Variants in INPP4B observed in about 807,000 individuals in gnomAD.
INPP4B encodes inositol polyphosphate 4-phosphatase type II.
In INPP4B, 55 loss-of-function variants were observed where a neutral mutation model predicts 122.5. The ratio of observed to expected loss-of-function variants is 0.45; its 90% CI spans 0.36 to 0.56. INPP4B has a LOEUF of 0.56. Ranked by LOEUF, INPP4B falls within the 20% of genes least tolerant of loss-of-function variation. INPP4B has a pLI of 0.00. For missense variants in INPP4B, 1,000 were observed against 1,097.7 expected, an observed-to-expected ratio of 0.91 and a Z score of 1.26; for synonymous variants, 403 against 388.7, an observed-to-expected ratio of 1.04 and a Z score of -0.43.
intron 7 of INPP4B, among the ~76,000 whole-genome samples, chr4:142,355,362 CT>C (rs531623818): frequency 3.9e-4 from 59 of 151,908 alleles, no homozygotes; most frequent in Non-Finnish European, 6.8e-4. Context: ...CAGATTTGCT[CT>C]TTTTTTTCCC....
chr4:142,306,323 G>T (rs1763362411), intron 8 of INPP4B, among the ~76,000 whole-genome samples: 1 of 150,648 alleles, frequency 6.6e-6, no homozygotes, highest in South Asian at 2.1e-4. Context: ...CAATATTATG[G>T]GATAAATAAC....
chr4:142,084,015 A>T (rs1170786650), intron 24 of INPP4B, among the ~76,000 whole-genome samples: 1 of 152,184 alleles, frequency 6.6e-6, no homozygotes, highest in Non-Finnish European at 1.5e-5. Flanking sequence ...TGATTTCTAC[A>T]ATACCTGAAC....
At chr4:142,614,201 G>A (rs1743201862) in intron 2 of INPP4B, among the ~76,000 whole-genome samples, 2 of 152,118 alleles carry the variant, frequency 1.3e-5, no homozygotes, top group Admixed American at 1.3e-4. Context: ...CAACATGGGT[G>A]ACAGAGCAAG....
chr4:142,533,313 A>T (rs924182644), intron 2 of INPP4B, among the ~76,000 whole-genome samples: 1 of 152,160 alleles, frequency 6.6e-6, no homozygotes, highest in Non-Finnish European at 1.5e-5. Context: ...TGAGGAAAAA[A>T]GGTACTTCCT....
At chr4:142,147,960 TC>T (rs1811701625) in intron 17 of INPP4B, among the ~76,000 whole-genome samples, 1 of 152,122 alleles carries the variant, frequency 6.6e-6, no homozygotes, top group Non-Finnish European at 1.5e-5. Flanking sequence ...AACCTGATGG[TC>T]TTGACATCTG....
intron 2 of INPP4B, among the ~76,000 whole-genome samples, chr4:142,517,244 A>C (rs1045438940): frequency 1.3e-5 from 2 of 152,066 alleles, no homozygotes; most frequent in African/African-American, 4.8e-5. Flanking sequence ...TGCAAGTAGA[A>C]CAGTATTTTT....
intron 12 of INPP4B, among the ~76,000 whole-genome samples, 194 bp downstream of exon 12, chr4:142,237,670 G>GA (rs1222556172): frequency 4.0e-5 from 6 of 151,784 alleles, no homozygotes; most frequent in Non-Finnish European, 8.8e-5. Flanking sequence ...AGATAACATA[G>GA]AAAAAATGTT....
intron 16 of INPP4B, among the ~76,000 whole-genome samples, chr4:142,160,810 G>A (rs983833166): frequency 1.3e-5 from 2 of 151,996 alleles, no homozygotes; most frequent in African/African-American, 4.8e-5. Flanking sequence ...AACACCGTCT[G>A]TCTCCTCAAC....
At chr4:142,191,085 C>T (rs1397333937) in intron 15 of INPP4B, among the ~76,000 whole-genome samples, 1 of 152,096 alleles carries the variant, frequency 6.6e-6, no homozygotes, top group East Asian at 1.9e-4. Flanking sequence ...TAAATGCAAT[C>T]TATTTTACTT....
Position 142,719,417 on chromosome 4 carries a change from G to A in INPP4B, c.-191+6422C>T, listed in dbSNP as rs184201760. On this transcript the variant is annotated intron_variant, in intron 2 of 25. Transcript: ENST00000262992. ...CGGCTCCCTGCTGCCTCAACCTCTC[G>A]GGGGTTAGGTGATCCTCCCACCTCA... Among the ~76,000 whole-genome samples, 404 of 151,900 alleles carry A rather than the reference G, an allele frequency of 2.7e-3. 3 individuals are homozygous for A. Among genetic ancestry groups the A allele is most frequent in the African/African-American group, 8.9e-3 (370 of 41,448 alleles).
At chr4:142,401,651 C>G (rs1261116556) in intron 7 of INPP4B, among the ~76,000 whole-genome samples, 2 of 152,064 alleles carry the variant, frequency 1.3e-5, no homozygotes, top group Non-Finnish European at 2.9e-5. Flanking sequence ...CAGTCAGTAA[C>G]ACTTTACGTA....
intron 2 of INPP4B, among the ~76,000 whole-genome samples, chr4:142,700,827 T>C (rs923400813): frequency 1.3e-5 from 2 of 152,126 alleles, no homozygotes; most frequent in South Asian, 2.1e-4. Flanking sequence ...GCTTTCAGTA[T>C]AAAAACTATC....
intron 23 of INPP4B, among the ~76,000 whole-genome samples, chr4:142,093,896 A>AC (rs1481708655): frequency 6.6e-6 from 1 of 151,966 alleles, no homozygotes; most frequent in Non-Finnish European, 1.5e-5. Flanking sequence ...AGCAAAAGGA[A>AC]AAAAACAAAC....
intron 1 of INPP4B, among the ~76,000 whole-genome samples, chr4:142,818,318 A>G (rs1780371236): frequency 6.6e-6 from 1 of 152,152 alleles, no homozygotes; most frequent in Non-Finnish European, 1.5e-5. Flanking sequence ...TTTCCCAGAA[A>G]CAACACCAGG....
chr4:142,615,409 T>A (rs1029018876), intron 2 of INPP4B, among the ~76,000 whole-genome samples: 5 of 152,140 alleles, frequency 3.3e-5, no homozygotes, highest in Non-Finnish European at 5.9e-5. Flanking sequence ...TTGCAACTGG[T>A]TAAAGGAGTA....
At chr4:142,140,359 G>C (rs1807124244) in intron 18 of INPP4B, among the ~76,000 whole-genome samples, 1 of 152,204 alleles carries the variant, frequency 6.6e-6, no homozygotes, top group African/African-American at 2.4e-5. Flanking sequence ...ACTTGTGAAA[G>C]ATGGAGAAAT....
chr4:142,166,160 C>T (rs186852436), intron 16 of INPP4B, among the ~76,000 whole-genome samples: 11 of 151,778 alleles, frequency 7.2e-5, no homozygotes, highest in African/African-American at 2.7e-4. Flanking sequence ...CAATTCATGA[C>T]TTCTTATAGA....
At chr4:142,080,642 T>C (rs1773426676) in intron 25 of INPP4B, among the ~76,000 whole-genome samples, 2 of 152,116 alleles carry the variant, frequency 1.3e-5, no homozygotes, top group South Asian at 4.1e-4. Flanking sequence ...TATATTGCCT[T>C]TATTTACCTG....
intron 25 of INPP4B, among the ~76,000 whole-genome samples, chr4:142,067,017 C>T (rs908696811): frequency 1.3e-5 from 2 of 152,200 alleles, no homozygotes; most frequent in African/African-American, 4.8e-5. Context: ...AACGGACAGA[C>T]TGCCTCCTCT....
Sources: gnomAD v4.1 joint callset for allele counts (sites outside exome capture counted in the v4.1 genomes callset) on GRCh38, gnomAD v4.1.1 for gene constraint, MANE v1.5 for transcripts, NCBI Gene and HGNC (gene_info 2026-07-23, HGNC 2026-07-21) for gene names.